Variants in CNTN5 observed in about 807,000 individuals in gnomAD.
The protein encoded by CNTN5 is contactin 5, also known as contactin-5.
Under a neutral mutation model 129.1 loss-of-function variants are expected in CNTN5, and 77 were observed. The ratio of observed to expected loss-of-function variants is 0.60; its 90% CI spans 0.50 to 0.72. The LOEUF (loss-of-function observed/expected upper bound fraction) is 0.72. Among genes scored for constraint, CNTN5 ranks in the 30% least tolerant of loss-of-function variants. The pLI, the probability that CNTN5 is intolerant of heterozygous loss-of-function variation, is 0.00. For missense variants in CNTN5, 1,478 were observed against 1,328.8 expected, an observed-to-expected ratio of 1.11 and a Z score of -1.75; for synonymous variants, 509 against 465.6, an observed-to-expected ratio of 1.09 and a Z score of -1.20.
chr11:99,893,223 G>A (rs183708677), intron 6 of CNTN5, among the ~76,000 whole-genome samples: 1 of 152,096 alleles, frequency 6.6e-6, no homozygotes, highest in Non-Finnish European at 1.5e-5. Context: ...TATGAACAAA[G>A]AATATCAGTG....
intron 23 of CNTN5, among the ~76,000 whole-genome samples, chr11:100,345,296 CG>C (rs1165888402): frequency 6.6e-6 from 1 of 152,038 alleles, no homozygotes; most frequent in African/African-American, 2.4e-5. Context: ...TGGCAGAAGG[CG>C]GAAGTGCAAA....
At chr11:99,247,130 A>G (rs530090826) in intron 1 of CNTN5, among the ~76,000 whole-genome samples, 1 of 152,136 alleles carries the variant, frequency 6.6e-6, no homozygotes, top group African/African-American at 2.4e-5. Context: ...ACATTTGTTC[A>G]AAACTTCTTG....
At chr11:99,861,100 C>G (rs112262667) in intron 6 of CNTN5, among the ~76,000 whole-genome samples, 3 of 151,790 alleles carry the variant, frequency 2.0e-5, no homozygotes, top group Non-Finnish European at 4.4e-5. Flanking sequence ...GGACTACAGG[C>G]GCCAACCACC....
chr11:99,160,104 G>C (rs558907579), intron 1 of CNTN5, among the ~76,000 whole-genome samples: 1 of 152,092 alleles, frequency 6.6e-6, no homozygotes, highest in Admixed American at 6.6e-5. Context: ...ATATAGGAAC[G>C]TCTCTTGGTT....
intron 2 of CNTN5, among the ~76,000 whole-genome samples, chr11:99,435,957 A>C (rs1591053214): frequency 6.6e-6 from 1 of 152,198 alleles, no homozygotes; most frequent in East Asian, 1.9e-4. Context: ...TAATTATTTT[A>C]AAAAGGTCGT....
At chr11:99,492,400 C>T (rs770311625) in intron 2 of CNTN5, among the ~76,000 whole-genome samples, 3 of 152,086 alleles carry the variant, frequency 2.0e-5, no homozygotes, top group Non-Finnish European at 2.9e-5. Flanking sequence ...TTTTTTCTTT[C>T]TCAGGAATCC....
intron 3 of CNTN5, among the ~76,000 whole-genome samples, chr11:99,760,605 T>A (rs939807866): frequency 6.6e-6 from 1 of 152,178 alleles, no homozygotes; most frequent in South Asian, 2.1e-4. Context: ...AATACCATTG[T>A]AAATGACTTG....
chr11:99,278,633 G>T (rs1863557026), intron 1 of CNTN5, among the ~76,000 whole-genome samples: 1 of 151,412 alleles, frequency 6.6e-6, no homozygotes, highest in Non-Finnish European at 1.5e-5. Flanking sequence ...TGTTTATTTT[G>T]GAAGAGTCAT....
At chr11:99,347,433 A>G (rs1937972770) in intron 2 of CNTN5, among the ~76,000 whole-genome samples, 1 of 152,196 alleles carries the variant, frequency 6.6e-6, no homozygotes, top group Non-Finnish European at 1.5e-5. Flanking sequence ...AATTAATATA[A>G]TAACACATAA....
chr11:100,246,688 CT>C (rs1949847448), intron 16 of CNTN5, among the ~76,000 whole-genome samples: 4 of 152,024 alleles, frequency 2.6e-5, no homozygotes, highest in Non-Finnish European at 5.9e-5. Flanking sequence ...TAATATAATC[CT>C]ATTTTTAACA....
At chr11:99,856,127 A>G (rs1948026870) in intron 6 of CNTN5, among the ~76,000 whole-genome samples, 1 of 152,104 alleles carries the variant, frequency 6.6e-6, no homozygotes, top group Non-Finnish European at 1.5e-5. Context: ...CTGTGAATTC[A>G]TGGCCTCAGT....
At position 100,071,737 on chromosome 11, in the gene CNTN5, G is replaced by T. The variant is rs1943931700; in HGVS notation, c.1332G>T (p.Met444Ile). The T allele has an allele frequency of 6.3e-7, 1 of 1,597,048 alleles. No homozygotes were observed. Among genetic ancestry groups the T allele is most frequent in the South Asian group, 1.1e-5 (1 of 88,440 alleles). ...SRVEMVNGVL[M>I]IHNVNQSDAG... ...TTGAGATGGTTAATGGAGTATTGAT[G>T]ATCCACAATGTGAATCAATCAGATG... is the stretch of plus-strand genomic sequence containing the variant. Residue 444 changes from methionine (M) to isoleucine (I), a missense_variant, in exon 12 of 25, where the codon ATG becomes ATT. Coordinates refer to ENST00000524871, the MANE Select transcript of CNTN5 (RefSeq NM_014361.4).
chr11:100,278,707 G>T (rs746499259), intron 18 of CNTN5, among the ~76,000 whole-genome samples: 1 of 151,874 alleles, frequency 6.6e-6, no homozygotes, highest in Non-Finnish European at 1.5e-5. Flanking sequence ...TTTTTTGATG[G>T]GGTCTTTAGA....
chr11:100,353,952 T>G (rs781074147), intron 24 of CNTN5, among the ~76,000 whole-genome samples: 3 of 151,552 alleles, frequency 2.0e-5, no homozygotes, highest in Non-Finnish European at 4.4e-5. Context: ...GAGGATTACC[T>G]TGACAGAAGA....
At chr11:99,593,683 T>C (rs1009092772) in intron 3 of CNTN5, among the ~76,000 whole-genome samples, 1 of 152,200 alleles carries the variant, frequency 6.6e-6, no homozygotes, top group African/African-American at 2.4e-5. Flanking sequence ...TTTAGGTTGT[T>C]TTGTTCTTCC....
chr11:99,868,085 A>G (rs1051777875), intron 6 of CNTN5, among the ~76,000 whole-genome samples: 3 of 152,120 alleles, frequency 2.0e-5, no homozygotes, highest in Admixed American at 6.5e-5. Flanking sequence ...GCGTGGTGGC[A>G]TATGCCTATA....
intron 18 of CNTN5, among the ~76,000 whole-genome samples, chr11:100,295,481 A>T (rs563793468): frequency 5.3e-5 from 8 of 151,652 alleles, no homozygotes; most frequent in African/African-American, 1.9e-4. Flanking sequence ...AAACTTTTAA[A>T]AATCTAAATT....
chr11:99,540,115 A>G (rs902569663), intron 2 of CNTN5, among the ~76,000 whole-genome samples: 6 of 152,108 alleles, frequency 3.9e-5, no homozygotes, highest in African/African-American at 1.4e-4. Context: ...CCTTTTTTGA[A>G]GGATGTTATG....
At chr11:100,189,959 A>G (rs768416500) in intron 13 of CNTN5, among the ~76,000 whole-genome samples, 6 of 152,144 alleles carry the variant, frequency 3.9e-5, no homozygotes, top group African/African-American at 9.7e-5. Context: ...ATATGTAAGT[A>G]TAAATTCCTG....
Sources: gnomAD v4.1 joint callset for allele counts (sites outside exome capture counted in the v4.1 genomes callset) on GRCh38, gnomAD v4.1.1 for gene constraint, MANE v1.5 for transcripts, NCBI Gene and HGNC (gene_info 2026-07-23, HGNC 2026-07-21) for gene names.